Variants in COG5 observed in about 807,000 individuals in gnomAD.
COG5 encodes the protein component of oligomeric golgi complex 5, also known as conserved oligomeric Golgi complex subunit 5.
Under a neutral mutation model 110.4 loss-of-function variants are expected in COG5, and 86 were observed. The observed-to-expected ratio is 0.78, with a 90% CI of 0.65 to 0.93. The LOEUF (loss-of-function observed/expected upper bound fraction) is 0.93, where lower values mean the gene tolerates loss of function less well. COG5 is among the 40% of genes least tolerant of loss of function. The probability of loss-of-function intolerance (pLI) is 0.00; values close to 1 mark genes in which losing one functional copy is unlikely to be tolerated. For synonymous variants in COG5, 360 were observed against 334.6 expected (o/e 1.08, Z -0.83); for missense variants, 1,077 against 987.0 (o/e 1.09, Z -1.22).
At chr7:107,362,907 G>A (rs937094592) in intron 8 of COG5, among the ~76,000 whole-genome samples, 3 of 151,892 alleles carry the variant, frequency 2.0e-5, no homozygotes, top group African/African-American at 7.3e-5. Flanking sequence ...CCACACAGGA[G>A]GAAAACAATT....
In COG5 at chr7:107,362,319, C is replaced by A; in HGVS notation, c.937G>T (p.Val313Phe). ...CTTCAAATATTTACCTGTCCACAAA[C>A]AGCATAAATATGATCCATAAGTTTC... is the stretch of plus-strand genomic sequence containing the variant. ...MEKLMDHIYA[V>F]CGQVQHLQKV... The change falls in exon 9 of 22, where the codon GTT (valine) becomes TTT (phenylalanine). Residue 313 changes from valine (V) to phenylalanine (F), a missense_variant. Val to Phe is a conservative substitution (Grantham distance 50). Transcript: ENST00000297135. 6.2e-7 allele frequency: 1 copy of A among 1,603,764 alleles called. No homozygotes were observed. The highest frequency in any genetic ancestry group is 8.5e-7 in the Non-Finnish European group (1 of 1,170,806).
At chr7:107,324,409 A>G (rs1382549043) in intron 11 of COG5, 31 bp downstream of exon 11, 1 of 1,357,360 alleles carries the variant, frequency 7.4e-7, no homozygotes, top group Admixed American at 1.7e-5. Context: ...AAAACTTTGA[A>G]ATTAATTTTC....
intron 6 of COG5, among the ~76,000 whole-genome samples, chr7:107,442,349 T>TA (rs1269724612): frequency 2.2e-4 from 34 of 152,284 alleles, no homozygotes; most frequent in African/African-American, 7.9e-4. Flanking sequence ...CAGGAGCTAA[T>TA]TAAATCTCCT....
chr7:107,248,638 T>C (rs1562932455), intron 16 of COG5, 139 bp from the exon 17 acceptor site: 2 of 674,530 alleles, frequency 3.0e-6, no homozygotes, highest in East Asian at 5.4e-5. Context: ...AGAAGTCTGC[T>C]CCTCTCCCTA....
At chr7:107,344,045 G>C (rs1288249920) in intron 10 of COG5, among the ~76,000 whole-genome samples, 1 of 152,072 alleles carries the variant, frequency 6.6e-6, no homozygotes, top group Non-Finnish European at 1.5e-5. Context: ...AATTAGCACT[G>C]GTTTCCACTT....
rs928143840 is a variant in COG5 at position 107,252,542 on chromosome 7, C to G, written c.1750-4043G>C. On this transcript the variant is annotated intron_variant, in intron 16 of 21. Transcript: ENST00000297135. Reference sequence around the variant, plus strand: ...GAAACAGAAGAGGAGGAAACACTTTCAAACTCATTTAGTGAAGCCAGTATT... The same window carrying G: ...GAAACAGAAGAGGAGGAAACACTTTGAAACTCATTTAGTGAAGCCAGTATT... Among the ~76,000 whole-genome samples the G allele has an allele frequency of 3.9e-5, 6 of 152,102 alleles. No homozygotes were observed. The East Asian group carries it at 1.2e-3, about 29-fold the overall frequency.
chr7:107,452,150 A>G (rs1240728870), intron 6 of COG5, among the ~76,000 whole-genome samples: 1 of 152,050 alleles, frequency 6.6e-6, no homozygotes, highest in Non-Finnish European at 1.5e-5. Context: ...TACTCCCTTA[A>G]TTCTTATCAC....
chr7:107,261,577 G>T (rs533982072), intron 14 of COG5, among the ~76,000 whole-genome samples: 1 of 152,118 alleles, frequency 6.6e-6, no homozygotes, highest in African/African-American at 2.4e-5. Context: ...TGGGCACTAG[G>T]TTTGCTCATT....
chr7:107,427,781 C>T (rs912137752), intron 6 of COG5, among the ~76,000 whole-genome samples: 1 of 151,938 alleles, frequency 6.6e-6, no homozygotes, highest in African/African-American at 2.4e-5. Context: ...TACACACATT[C>T]AGCAGTTCCC....
At chr7:107,203,692 G>C (rs551961576) in intron 21 of COG5, 62 bp from the exon 22 acceptor site, 30 of 1,024,450 alleles carry the variant, frequency 2.9e-5, no homozygotes, top group Non-Finnish European at 4.6e-5. Context: ...CAGTTAAGGG[G>C]ATACCAATAT....
chr7:107,349,559 C>T (rs1400969095), intron 10 of COG5, among the ~76,000 whole-genome samples: 1 of 148,666 alleles, frequency 6.7e-6, no homozygotes, highest in East Asian at 2.0e-4. Flanking sequence ...TGCCATCATG[C>T]TTGGCTTTTT....
At chr7:107,402,716 G>C (rs1791527005) in intron 7 of COG5, among the ~76,000 whole-genome samples, 1 of 152,212 alleles carries the variant, frequency 6.6e-6, no homozygotes, top group East Asian at 1.9e-4. Context: ...AAGAGCTGCA[G>C]GTGGATGGCA....
At chr7:107,376,645 A>T (rs1202736953) in intron 7 of COG5, among the ~76,000 whole-genome samples, 1 of 151,838 alleles carries the variant, frequency 6.6e-6, no homozygotes, top group Non-Finnish European at 1.5e-5. Flanking sequence ...ATTCTCCTCT[A>T]TCTCATTGCT....
intron 1 of COG5, 157 bp downstream of exon 1, chr7:107,563,646 A>T: frequency 1.3e-6 from 1 of 796,004 alleles, no homozygotes; most frequent in Non-Finnish European, 2.2e-6. Flanking sequence ...TAGGTTGGCT[A>T]GAACAGTACC....
At position 107,549,881 on chromosome 7, in the gene COG5, A is replaced by G. The variant is rs576535476; in HGVS notation, c.293-1549T>C. ...TTCATTCAGTCCCAAAGTTTTAAAT[A>G]GTATCTGTTCAATAAAATACTGATT... On this transcript the variant is annotated intron_variant, in intron 3 of 21. Transcript: ENST00000297135. 5.3e-5 allele frequency among the ~76,000 whole-genome samples: 8 copies of G among 152,308 alleles called. No individual in the cohort carries two copies. In the East Asian group the frequency reaches 1.5e-3, roughly 29 times the overall value.
At chr7:107,230,776 G>T in intron 18 of COG5, 85 bp from the exon 19 acceptor site, 2 of 1,059,062 alleles carry the variant, frequency 1.9e-6, no homozygotes, top group Non-Finnish European at 2.9e-6. Context: ...GAAAGTTGTA[G>T]CTTGCAGTAA....
chr7:107,541,542 A>ATG (rs1355341242), intron 5 of COG5, among the ~76,000 whole-genome samples: 7 of 135,482 alleles, frequency 5.2e-5, no homozygotes, highest in Non-Finnish European at 9.5e-5. Context: ...ATATATATAT[A>ATG]TGTATTTATG....
intron 6 of COG5, among the ~76,000 whole-genome samples, chr7:107,435,128 G>A (rs1196783943): frequency 1.3e-5 from 2 of 152,134 alleles, no homozygotes; most frequent in African/African-American, 2.4e-5. Flanking sequence ...ACAGAAAGTA[G>A]AATGGTGGTT....
intron 6 of COG5, chr7:107,475,072 T>A (rs1199679229): frequency 1.9e-6 from 3 of 1,613,058 alleles, no homozygotes. Context: ...CACCATTTTA[T>A]GTTTAGGCCC....
Sources: allele counts gnomAD v4.1 joint callset (sites outside exome capture counted in the v4.1 genomes callset), GRCh38; gene constraint gnomAD v4.1.1; transcripts MANE v1.5; gene names NCBI Gene and HGNC (gene_info 2026-07-23, HGNC 2026-07-21).